The following TTC7A variants were observed in gnomAD, a reference collection of about 807,000 sequenced individuals.
The protein encoded by TTC7A is tetratricopeptide repeat domain 7A.
A neutral mutation model predicts 103.7 loss-of-function variants in TTC7A; 110 were observed. The observed-to-expected ratio is 1.06, with a 90% CI of 0.91 to 1.24. The LOEUF (loss-of-function observed/expected upper bound fraction) is 1.24, where lower values mean the gene tolerates loss of function less well. TTC7A is among the 50% of genes most tolerant of loss of function. The pLI is 0.00. For synonymous variants in TTC7A, 521 were observed against 467.9 expected (o/e 1.11, Z -1.47); for missense variants, 1,340 against 1,116.3 (o/e 1.20, Z -2.86).
intron 3 of TTC7A, among the ~76,000 whole-genome samples, chr2:46,974,370 G>A (rs1401514840): frequency 2.0e-5 from 3 of 152,338 alleles, no homozygotes; most frequent in South Asian, 2.1e-4. Flanking sequence ...GCACCGTCAC[G>A]GGCAGAGCTA....
chr2:47,017,200 CAAAAA>C (rs70940652), intron 11 of TTC7A, among the ~76,000 whole-genome samples: 6 of 35,582 alleles, frequency 1.7e-4, no homozygotes, highest in Non-Finnish European at 2.4e-4. Flanking sequence ...CACTCTGTCT[CAAAAA>C]AAAAAAAAAA....
At chr2:46,942,719 G>T (rs2103901364) in intron 1 of TTC7A, among the ~76,000 whole-genome samples, 1 of 152,270 alleles carries the variant, frequency 6.6e-6, no homozygotes, top group South Asian at 2.1e-4. Flanking sequence ...TGTGGAACCA[G>T]GATTTGTGCC....
intron 8 of TTC7A, among the ~76,000 whole-genome samples, chr2:47,000,136 C>G (rs748476029): frequency 3.9e-5 from 6 of 151,914 alleles, no homozygotes; most frequent in Non-Finnish European, 8.8e-5. Flanking sequence ...TTTGGTTGTT[C>G]AATATGTCCT....
At chr2:46,986,472 G>T (rs1462382755) in intron 5 of TTC7A, among the ~76,000 whole-genome samples, 1 of 152,150 alleles carries the variant, frequency 6.6e-6, no homozygotes, top group Non-Finnish European at 1.5e-5. Context: ...GTCCCAGAGG[G>T]GAGCCTGTGG....
intron 2 of TTC7A, among the ~76,000 whole-genome samples, chr2:46,925,375 T>A (rs1320670678): frequency 6.6e-6 from 1 of 152,114 alleles, no homozygotes; most frequent in Admixed American, 6.6e-5. Flanking sequence ...CTAGCCAACA[T>A]GGTGAAACCC....
chr2:47,051,066 C>T (rs569068564), intron 17 of TTC7A, among the ~76,000 whole-genome samples: 2 of 152,330 alleles, frequency 1.3e-5, no homozygotes, highest in South Asian at 4.1e-4. Flanking sequence ...TTCCAGAGGG[C>T]AGTGTTCTGA....
At position 47,060,850 on chromosome 2, in the gene TTC7A, A is replaced by T; in HGVS notation, c.2234A>T (p.His745Leu). Residue 745 changes from histidine to leucine, a missense_variant, in exon 19 of 20, where the codon CAC becomes CTC. His to Leu is a moderately conservative substitution (Grantham distance 99). Coordinates refer to ENST00000319190, the MANE Select transcript of TTC7A (RefSeq NM_020458.4). ...GCGGCGGGCCTCTTCCCCACTTCTCACTCAGTACTCTATATGCGGGGCCGG... is the reference window on the plus strand; with the variant it reads ...GCGGCGGGCCTCTTCCCCACTTCTCTCTCAGTACTCTATATGCGGGGCCGG... ...QEAAGLFPTS[H>L]SVLYMRGRLA... The T allele has an allele frequency of 6.2e-7, 1 of 1,613,804 alleles. No individual in the cohort carries two copies.
chr2:46,919,678 G>A (rs1307573632), intron 2 of TTC7A, among the ~76,000 whole-genome samples: 1 of 152,188 alleles, frequency 6.6e-6, no homozygotes, highest in East Asian at 1.9e-4. Context: ...TGGGCCCTGT[G>A]GTAATCTCTG....
chr2:46,917,536 A>C (rs961110441), intron 2 of TTC7A, among the ~76,000 whole-genome samples: 1 of 152,222 alleles, frequency 6.6e-6, no homozygotes, highest in African/African-American at 2.4e-5. Flanking sequence ...CAAATAAGAC[A>C]AATGAAGTGT....
At chr2:46,973,902 G>A (rs931625379) in intron 3 of TTC7A, among the ~76,000 whole-genome samples, 2 of 152,180 alleles carry the variant, frequency 1.3e-5, no homozygotes, top group African/African-American at 4.8e-5. Context: ...GGGTGAAAGG[G>A]AGGTTTCCCC....
At chr2:47,067,462 A>C (rs1269263021) in intron 19 of TTC7A, among the ~76,000 whole-genome samples, 4 of 152,238 alleles carry the variant, frequency 2.6e-5, no homozygotes. Flanking sequence ...TTGTGATGCC[A>C]GCAGGGTGCT....
In TTC7A at chr2:47,073,686, T is replaced by G; in HGVS notation, c.2356-16T>G. ...TGGGACACCCCTACTCACCCTGCCCTGTGCTTCGTCCACAGGGTCTGATGC... is the reference window on the plus strand; with the variant it reads ...TGGGACACCCCTACTCACCCTGCCCGGTGCTTCGTCCACAGGGTCTGATGC... On this transcript the variant is annotated splice_polypyrimidine_tract_variant and intron_variant, in intron 19 of 19. Coordinates refer to ENST00000319190, the MANE Select transcript of TTC7A (RefSeq NM_020458.4). 1 of 1,613,214 alleles carries G rather than the reference T, an allele frequency of 6.2e-7. No individual in the cohort carries two copies. The highest frequency in any genetic ancestry group is 8.5e-7 in the Non-Finnish European group (1 of 1,179,556).
chr2:47,024,115 C>T (rs112254794), intron 13 of TTC7A, among the ~76,000 whole-genome samples, 172 bp from the exon 14 acceptor site: 1,671 of 152,332 alleles, frequency 0.011, 15 homozygotes, highest in Non-Finnish European at 0.016. Flanking sequence ...TGTGGGCCGC[C>T]TTCCTTGGTC....
At chr2:46,917,713 C>T (rs374738568) in intron 2 of TTC7A, among the ~76,000 whole-genome samples, 1 of 152,210 alleles carries the variant, frequency 6.6e-6, no homozygotes. Flanking sequence ...TTTTCTCCCC[C>T]ACCATACCAC....
chr2:46,974,699 G>A (rs1171022709), intron 3 of TTC7A: 2 of 555,220 alleles, frequency 3.6e-6, no homozygotes, highest in Admixed American at 2.2e-5. Context: ...TGGGGATACT[G>A]CGTTACAGAG....
rs72806575 is a variant in TTC7A at position 47,007,545 on chromosome 2, C to G, written c.1287+821C>G. ...CTGAGGGAATTCCTCGCCCCCCTGG[C>G]CCATCTGTGCCACGTTCCATTTCTG... is the stretch of plus-strand genomic sequence containing the variant. On this transcript the variant is annotated intron_variant, in intron 10 of 19. Coordinates refer to ENST00000319190, the MANE Select transcript of TTC7A (RefSeq NM_020458.4). The surrounding 1 kb of genome is among the most constrained non-coding windows in gnomAD (Gnocchi z 4.9). Among the ~76,000 whole-genome samples the G allele has an allele frequency of 4.6e-5, 7 of 152,148 alleles. No homozygotes were observed. Among genetic ancestry groups the G allele is most frequent in the Non-Finnish European group, 1.0e-4 (7 of 68,008 alleles).
intron 14 of TTC7A, 118 bp downstream of exon 14, chr2:47,024,477 C>T: frequency 1.1e-6 from 1 of 887,554 alleles, no homozygotes; most frequent in Non-Finnish European, 1.7e-6. Flanking sequence ...GAGTTTGTTT[C>T]CTTATCTGTC....
rs1352610125 is a variant in TTC7A at position 46,941,437 on chromosome 2, T to G, written c.-105T>G. 1.1e-5 allele frequency: 14 copies of G among 1,251,670 alleles called. No individual in the cohort carries two copies. The highest frequency in any genetic ancestry group is 1.4e-5 in the Non-Finnish European group (14 of 975,220). 77.5% of individuals were successfully genotyped at this position (1,251,670 alleles called of 1,614,324 possible). On this transcript the variant is annotated 5_prime_UTR_variant, in exon 1 of 20. Coordinates refer to ENST00000319190, the MANE Select transcript of TTC7A (RefSeq NM_020458.4). This position sits in a 1 kb window ranked among gnomAD's most constrained non-coding sequence, Gnocchi z 4.2. ...TGCCGCCCGGGCCCCGGCTGCCGTC[T>G]GCGCCCCCGTCGACCCCGCCCGCGA... is the stretch of plus-strand genomic sequence containing the variant.
intron 5 of TTC7A, among the ~76,000 whole-genome samples, chr2:46,979,706 A>G (rs574600919): frequency 6.6e-6 from 1 of 152,154 alleles, no homozygotes; most frequent in African/African-American, 2.4e-5. Context: ...GTGTCGCTTC[A>G]TGGCTATTCC....
Sources: gnomAD v4.1 joint callset for allele counts (sites outside exome capture counted in the v4.1 genomes callset) on GRCh38, gnomAD v4.1.1 for gene constraint, Gnocchi (gnomAD v3.1) non-coding constraint, MANE v1.5 for transcripts, NCBI Gene and HGNC (gene_info 2026-07-23, HGNC 2026-07-21) for gene names.